The following CORO1B variants were observed in gnomAD, a reference collection of about 807,000 sequenced individuals.
CORO1B encodes coronin 1B, also known as coronin-1B.
CORO1B carries 30 observed loss-of-function variants against 51.1 expected under a neutral mutation model. That is an observed-to-expected ratio of 0.59 (90% CI 0.44 to 0.80). CORO1B has a LOEUF of 0.80. Among genes scored for constraint, CORO1B ranks in the 30% least tolerant of loss-of-function variants. The probability of loss-of-function intolerance (pLI) is 0.00; values close to 1 mark genes in which losing one functional copy is unlikely to be tolerated. For missense variants in CORO1B, 648 were observed against 700.4 expected (o/e 0.93, Z 0.84); for synonymous variants, 310 against 289.7 (o/e 1.07, Z -0.71).
chr11:67,441,319 C>T lies in CORO1B; in HGVS notation c.636+14G>A. ...GCCTATCCACAGCCATCCTTGCCCT[C>T]CAGAGCCACGTACTGCCACCAGGGT... On this transcript the variant is annotated intron_variant, in intron 5 of 10. Coordinates refer to ENST00000341356, the MANE Select transcript of CORO1B (RefSeq NM_020441.3). The T allele has an allele frequency of 6.2e-7, 1 of 1,613,326 alleles. No homozygotes were observed. Among genetic ancestry groups the T allele is most frequent in the Non-Finnish European group, 8.5e-7 (1 of 1,179,956 alleles).
chr11:67,438,779 C>T lies in CORO1B; in HGVS notation c.1236G>A (p.Leu412=), dbSNP rs1304806255. The part of the protein sequence containing the change: ...RDLKISRRNV[L]SDSRPAMAPG... ...GGGCCATGGCGGGCCGGCTGTCAGA[C>T]AACACGTTGCGCCGGCTGATCTTCA... Residue 412 remains leucine (L), a synonymous_variant, in exon 10 of 11, where the codon TTG becomes TTA. Coordinates refer to ENST00000341356, the MANE Select transcript of CORO1B (RefSeq NM_020441.3). 12 of 1,591,578 alleles carry T rather than the reference C, an allele frequency of 7.5e-6. No homozygotes were observed. Among genetic ancestry groups the T allele is most frequent in the Non-Finnish European group, 9.4e-6 (11 of 1,171,648 alleles).
chr11:67,440,784 C>T, intron 6 of CORO1B: 1 of 645,872 alleles, frequency 1.5e-6, no homozygotes, highest in Non-Finnish European at 2.9e-6. Context: ...GCAGAGAGGG[C>T]TGGGGCCAGG....
rs1272744485 is a variant in CORO1B at position 67,437,608 on chromosome 11, G to A, written c.*768C>T. Reference sequence around the variant, plus strand: ...CCATCCCAAGAACCCGGGGGGCTCCGAGGCTTACCATTGGTCCGCAGGCCC... The same window carrying A: ...CCATCCCAAGAACCCGGGGGGCTCCAAGGCTTACCATTGGTCCGCAGGCCC... On this transcript the variant is annotated 3_prime_UTR_variant, in exon 11 of 11. Coordinates refer to ENST00000341356, the MANE Select transcript of CORO1B (RefSeq NM_020441.3). 3 of 1,358,584 alleles carry A rather than the reference G, an allele frequency of 2.2e-6. No individual in the cohort carries two copies. The highest frequency in any genetic ancestry group is 2.8e-5 in the East Asian group (1 of 36,166). 84.2% of individuals were successfully genotyped at this position (1,358,584 alleles called of 1,614,324 possible).
At position 67,441,923 on chromosome 11, in the gene CORO1B, C is replaced by T. The variant is rs143397996; in HGVS notation, c.324+43G>A. ...TGCTGGTCCTATTGCTGGCCCCCTT[C>T]GGCCACACCCACGACCCTGGCCCAG... On this transcript the variant is annotated intron_variant, in intron 3 of 10. Transcript: ENST00000341356. 4,173 of 1,613,006 alleles carry T rather than the reference C, an allele frequency of 2.6e-3. 6 individuals are homozygous for T. Among genetic ancestry groups the T allele is most frequent in the Non-Finnish European group, 3.3e-3 (3,874 of 1,179,946 alleles).
chr11:67,439,328 C>T (rs531408316), intron 9 of CORO1B, among the ~76,000 whole-genome samples: 1 of 152,212 alleles, frequency 6.6e-6, no homozygotes, highest in Non-Finnish European at 1.5e-5. Flanking sequence ...GAAGCGTGTC[C>T]GAGGCTCTTG....
Position 67,438,605 on chromosome 11 carries a change from A to G in CORO1B, c.1344+66T>C, listed in dbSNP as rs1053843310. On this transcript the variant is annotated intron_variant, in intron 10 of 10. Transcript: ENST00000341356. ...CCAGAGAGGGACAGCGAATGGCTGAAGCCCACACAGCAGGCCAGGGCCACA... is the reference window on the plus strand; with the variant it reads ...CCAGAGAGGGACAGCGAATGGCTGAGGCCCACACAGCAGGCCAGGGCCACA... 2.0e-6 allele frequency: 3 copies of G among 1,525,142 alleles called. No homozygotes were observed. The African/African-American group carries it at 4.1e-5, about 21-fold the overall frequency. 94.5% of individuals were successfully genotyped at this position (1,525,142 alleles called of 1,614,324 possible).
Position 67,441,720 on chromosome 11 carries a change from G to A in CORO1B, c.454+13C>T. The A allele has an allele frequency of 6.3e-7, 1 of 1,595,174 alleles. No individual in the cohort carries two copies. Among genetic ancestry groups the A allele is most frequent in the Admixed American group, 1.7e-5 (1 of 59,526 alleles). ...GTGGGGGGGGGGAGCACAAAACGGG[G>A]GGCGGTGCAGACCTGCACTGAGCAG... On this transcript the variant is annotated intron_variant, in intron 4 of 10. Transcript: ENST00000341356.
At chr11:67,443,738 C>T (rs1864443239), upstream of CORO1B, 2 of 985,232 alleles carry the variant, frequency 2.0e-6, no homozygotes, top group Non-Finnish European at 1.2e-6. Context: ...GCCGCAGGTG[C>T]GGGTGCAGCC....
At position 67,440,183 on chromosome 11, in the gene CORO1B, C is replaced by T. The variant is rs1662880495; in HGVS notation, c.942G>A (p.Glu314=). ...IHFLNTFTSK[E]PQRGMGSMPK... ...GCATGCTGCCCATACCCCGCTGCGG[C>T]TCCTTGCTGGTGAACGTGTTCAGGA... is the stretch of plus-strand genomic sequence containing the variant. The change falls in exon 8 of 11, where the codon GAG becomes GAA. Residue 314 remains glutamate (E), a synonymous_variant. Coordinates refer to ENST00000341356, the MANE Select transcript of CORO1B (RefSeq NM_020441.3). 2.5e-6 allele frequency: 4 copies of T among 1,613,794 alleles called. No individual in the cohort carries two copies. Among genetic ancestry groups the T allele is most frequent in the Non-Finnish European group, 3.4e-6 (4 of 1,180,020 alleles).
rs1380229560 is a variant in CORO1B, at chr11:67,437,284, GGGTGCTGA to G, written c.*1084_*1091del. 2 of 289,752 alleles carry G rather than the reference GGGTGCTGA, an allele frequency of 6.9e-6. No individual in the cohort carries two copies. The highest frequency in any genetic ancestry group is 1.1e-4 in the East Asian group (2 of 18,196). 17.9% of individuals were successfully genotyped at this position (289,752 alleles called of 1,614,324 possible). ...GGCTAGGTGGGGGGTGTCGGGGGAGGGGTGCTGAGGTGCAGCCAGCCTCCCCCACCACC... is the reference window on the plus strand; with the variant it reads ...GGCTAGGTGGGGGGTGTCGGGGGAGGGGTGCAGCCAGCCTCCCCCACCACC... On this transcript the variant is annotated 3_prime_UTR_variant, in exon 11 of 11. Transcript: ENST00000341356.
chr11:67,439,919 C>T (rs868204131), intron 8 of CORO1B, 76 bp from the exon 9 acceptor site: 4 of 1,463,908 alleles, frequency 2.7e-6, no homozygotes, highest in Admixed American at 2.0e-5. Flanking sequence ...CTGGCATCCT[C>T]CACTTCCAGT....
At chr11:67,441,030 G>A in intron 6 of CORO1B, 95 bp downstream of exon 6, 5 of 1,578,572 alleles carry the variant, frequency 3.2e-6, no homozygotes, top group Non-Finnish European at 4.3e-6. Flanking sequence ...AGGCAGAGAA[G>A]CTAGGAACCA....
Position 67,439,726 on chromosome 11 carries a change from A to C in CORO1B, c.1065+60T>G, listed in dbSNP as rs57866382. ...CATTCACAGGCCTCGCCCTGGTCAC[A>C]ACTGCATGGCCCGCTTGCTGGAGAA... is the stretch of plus-strand genomic sequence containing the variant. On this transcript the variant is annotated intron_variant, in intron 9 of 10. Transcript: ENST00000341356. 0.018 allele frequency: 26,523 copies of C among 1,514,186 alleles called. 481 individuals carry two copies. Among genetic ancestry groups the C allele is most frequent in the East Asian group, 0.081 (3,338 of 41,332 alleles). 93.8% of individuals were successfully genotyped at this position (1,514,186 alleles called of 1,614,324 possible). A position where few individuals can be genotyped will look rare whatever the true frequency, so the allele number is the denominator to read the frequency against.
At position 67,437,683 on chromosome 11, in the gene CORO1B, G is replaced by T; in HGVS notation, c.*693C>A. The stretch of plus-strand genomic sequence containing the variant: ...GCTCTGGCTGTGTCGAGCGAGAAGT[G>T]AGCTCAGTGCTCGTCTGCAGTGAAG... On this transcript the variant is annotated 3_prime_UTR_variant, in exon 11 of 11. Coordinates refer to ENST00000341356, the MANE Select transcript of CORO1B (RefSeq NM_020441.3). The T allele has an allele frequency of 7.4e-7, 1 of 1,345,124 alleles. No homozygotes were observed. The highest frequency in any genetic ancestry group is 9.6e-7 in the Non-Finnish European group (1 of 1,038,918). The allele number at this position is 1,345,124 out of a possible 1,614,324, so 83.3% of individuals were successfully genotyped here.
chr11:67,439,874 A>G (rs1446459907), intron 8 of CORO1B, 31 bp from the exon 9 acceptor site: 1 of 1,551,792 alleles, frequency 6.4e-7, no homozygotes, highest in Non-Finnish European at 8.7e-7. Context: ...CACGGGTGGA[A>G]CCCTCACCGC....
At chr11:67,440,093 C>A in intron 8 of CORO1B, 25 bp downstream of exon 8, 1 of 1,593,434 alleles carries the variant, frequency 6.3e-7, no homozygotes, top group Non-Finnish European at 8.6e-7. Context: ...CCCCTATCCC[C>A]GAGTGGCCTC....
At chr11:67,440,580 T>G (rs1166189848) in intron 6 of CORO1B, 141 bp from the exon 7 acceptor site, 1 of 789,594 alleles carries the variant, frequency 1.3e-6, no homozygotes, top group Non-Finnish European at 2.2e-6. Context: ...TCTATGCCTT[T>G]TCCCACATGA....
At position 67,438,845 on chromosome 11, in the gene CORO1B, G is replaced by C; in HGVS notation, c.1170C>G (p.Ile390Met). The C allele has an allele frequency of 6.2e-7, 1 of 1,609,562 alleles. No homozygotes were observed. Among genetic ancestry groups the C allele is most frequent in the Non-Finnish European group, 8.5e-7 (1 of 1,179,098 alleles). Reference protein sequence around the residue: ...VSGRDADPILISLREAYVPSK... With the variant: ...VSGRDADPILMSLREAYVPSK... ...TGGGCACGTAGGCCTCCCGCAGTGA[G>C]ATGAGGATCGGGTCGGCATCCCGCC... is the stretch of plus-strand genomic sequence containing the variant. The change falls in exon 10 of 11, where the codon ATC becomes ATG. Residue 390 changes from isoleucine to methionine, a missense_variant. Physicochemically the swap from Ile to Met is conservative, Grantham distance 10. Transcript: ENST00000341356.
In CORO1B at chr11:67,437,565, C is replaced by T. The variant is rs948957916; in HGVS notation, c.*811G>A. The stretch of plus-strand genomic sequence containing the variant: ...GCTCCACAGGCCCAGACATTCTAGC[C>T]CCGACCGCCTGTGGCCCCCATCCCA... On this transcript the variant is annotated 3_prime_UTR_variant, in exon 11 of 11. Transcript: ENST00000341356. 82 of 1,338,234 alleles carry T rather than the reference C, an allele frequency of 6.1e-5. No individual in the cohort carries two copies. Among genetic ancestry groups the T allele is most frequent in the Non-Finnish European group, 7.7e-5 (80 of 1,035,002 alleles). 82.9% of individuals were successfully genotyped at this position (1,338,234 alleles called of 1,614,324 possible).
Sources: gnomAD v4.1 joint callset for allele counts (sites outside exome capture counted in the v4.1 genomes callset) on GRCh38, gnomAD v4.1.1 for gene constraint, MANE v1.5 for transcripts, NCBI Gene and HGNC (gene_info 2026-07-23, HGNC 2026-07-21) for gene names.